The following UTRN variants were observed in gnomAD, a reference collection of about 807,000 sequenced individuals.
The protein encoded by UTRN is dystrophin-related protein 1.
UTRN carries 283 observed loss-of-function variants against 463.9 expected under a neutral mutation model. The observed-to-expected ratio is 0.61, with a 90% CI of 0.55 to 0.67. The LOEUF is 0.67. Among genes scored for constraint, UTRN ranks in the 30% least tolerant of loss-of-function variants. The pLI is 0.00. For synonymous variants in UTRN, 1,442 were observed against 1,431.5 expected (o/e 1.01, Z -0.17); for missense variants, 3,922 against 4,084.3 (o/e 0.96, Z 1.08).
At chr6:144,444,241 T>A (rs1459709853) in intron 13 of UTRN, 40 bp from the exon 14 acceptor site, 2 of 1,515,156 alleles carry the variant, frequency 1.3e-6, no homozygotes, top group African/African-American at 2.7e-5. Flanking sequence ...AACTCTCTCT[T>A]AAGGCTGTGT....
At chr6:144,602,930 A>G (rs1045974770) in intron 51 of UTRN, among the ~76,000 whole-genome samples, 3 of 152,212 alleles carry the variant, frequency 2.0e-5, no homozygotes, top group Non-Finnish European at 4.4e-5. Flanking sequence ...TAGCTTTTTT[A>G]TGCACTGGGA....
Position 144,291,822 on chromosome 6 carries a change from T to C in UTRN, c.-7T>C, listed in dbSNP as rs770489820. 1 of 1,610,232 alleles carries C rather than the reference T, an allele frequency of 6.2e-7. No homozygotes were observed. The highest frequency in any genetic ancestry group is 8.5e-7 in the Non-Finnish European group (1 of 1,178,730). ...AAGTTTTTGGATTATCTTGAAACTC[T>C]GGCAAGATGGCCAAGTATGGAGAAC... On this transcript the variant is annotated 5_prime_UTR_variant, in exon 2 of 75. Coordinates refer to ENST00000367545, the MANE Select transcript of UTRN (RefSeq NM_007124.3).
In UTRN at chr6:144,731,180, G is replaced by T. The variant is rs1788475683; in HGVS notation, c.7939+694G>T. Among the ~76,000 whole-genome samples the T allele has an allele frequency of 5.3e-5, 8 of 151,824 alleles. No homozygotes were observed. In the South Asian group the frequency reaches 1.7e-3, roughly 32 times the overall value. The stretch of plus-strand genomic sequence containing the variant: ...GAGACCAAATACTTTTCTTTTACAA[G>T]CAGACAACATTTGTTTAATTTAAAA... On this transcript the variant is annotated intron_variant, in intron 54 of 74. Transcript: ENST00000367545.
intron 52 of UTRN, among the ~76,000 whole-genome samples, chr6:144,694,023 G>A (rs1376087971): frequency 9.2e-5 from 14 of 152,010 alleles, no homozygotes. Context: ...TGTTGGCTGT[G>A]GGGTGTTGTA....
chr6:144,724,009 C>CAAAAAAAAAAAAA (rs59598919), intron 53 of UTRN, among the ~76,000 whole-genome samples: 58 of 58,504 alleles, frequency 9.9e-4, no homozygotes, highest in Non-Finnish European at 1.5e-3. Flanking sequence ...GACTCCATCT[C>CAAAAAAAAAAAAA]AAAAAAAAAA....
At chr6:144,330,783 G>A (rs1384026972) in intron 2 of UTRN, 4 of 979,064 alleles carry the variant, frequency 4.1e-6, no homozygotes, top group Admixed American at 1.2e-4. Flanking sequence ...ATTCTGGTCC[G>A]GGCAGTTGGG....
Position 144,499,443 on chromosome 6 carries a change from G to A in UTRN, c.4764+16G>A, listed in dbSNP as rs1793975752. ...CTGGGCTAAAGTAAGTTGCAGTTCAGATGAAACACCAGCATGATGCCAGCG... is the reference window on the plus strand; with the variant it reads ...CTGGGCTAAAGTAAGTTGCAGTTCAAATGAAACACCAGCATGATGCCAGCG... On this transcript the variant is annotated intron_variant, in intron 34 of 74. Transcript: ENST00000367545. 6.3e-7 allele frequency: 1 copy of A among 1,585,778 alleles called. No homozygotes were observed. Among genetic ancestry groups the A allele is most frequent in the African/African-American group, 1.3e-5 (1 of 74,598 alleles).
intron 54 of UTRN, among the ~76,000 whole-genome samples, chr6:144,735,202 A>T (rs192337327): frequency 1.3e-5 from 2 of 152,302 alleles, no homozygotes; most frequent in East Asian, 3.9e-4. Flanking sequence ...TGTCCTGAGG[A>T]TTCTAAGTGA....
chr6:144,681,093 A>G (rs1037082333), intron 52 of UTRN, among the ~76,000 whole-genome samples: 1 of 152,166 alleles, frequency 6.6e-6, no homozygotes, highest in African/African-American at 2.4e-5. Context: ...GGTAGGAGAC[A>G]CTTTCGGCAT....
At chr6:144,433,443 G>A (rs62427169) in intron 9 of UTRN, among the ~76,000 whole-genome samples, 28 of 149,208 alleles carry the variant, frequency 1.9e-4, no homozygotes, top group African/African-American at 5.4e-4. Flanking sequence ...GCTGCCGGGC[G>A]GAGGGGCTCC....
intron 58 of UTRN, among the ~76,000 whole-genome samples, chr6:144,765,071 A>G (rs935350040): frequency 2.0e-5 from 3 of 152,130 alleles, no homozygotes; most frequent in South Asian, 2.1e-4. Flanking sequence ...GGGGTTCCCT[A>G]TGAATTCTGG....
At chr6:144,537,539 G>A in intron 43 of UTRN, 43 bp from the exon 44 acceptor site, 2 of 1,425,808 alleles carry the variant, frequency 1.4e-6, no homozygotes, top group Non-Finnish European at 1.8e-6. Context: ...CTGCTTAATT[G>A]GACAGTTTTT....
chr6:144,437,489 A>G lies in UTRN; in HGVS notation c.1060-76A>G. 7 of 1,419,604 alleles carry G rather than the reference A, an allele frequency of 4.9e-6. No homozygotes were observed. In the South Asian group the frequency reaches 1.1e-4, roughly 22 times the overall value. 87.9% of individuals were successfully genotyped at this position (1,419,604 alleles called of 1,614,324 possible). A position where few individuals can be genotyped will look rare whatever the true frequency, so the allele number is the denominator to read the frequency against. ...TGCATCACTGACATTTAGGTTAGGCATTAGCAATTTGTTCAGTCTTCCTTT... is the reference window on the plus strand; with the variant it reads ...TGCATCACTGACATTTAGGTTAGGCGTTAGCAATTTGTTCAGTCTTCCTTT... On this transcript the variant is annotated intron_variant, in intron 10 of 74. Coordinates refer to ENST00000367545, the MANE Select transcript of UTRN (RefSeq NM_007124.3).
At chr6:144,293,166 C>T (rs574539400) in intron 2 of UTRN, among the ~76,000 whole-genome samples, 29 of 152,054 alleles carry the variant, frequency 1.9e-4, no homozygotes, top group Admixed American at 5.9e-4. Flanking sequence ...CTTAGGAGTA[C>T]GGAATACATA....
intron 13 of UTRN, among the ~76,000 whole-genome samples, chr6:144,441,220 A>G (rs573481183): frequency 6.6e-6 from 1 of 152,352 alleles, no homozygotes; most frequent in East Asian, 1.9e-4. Flanking sequence ...AAAAGTCCAC[A>G]GTCCAAAGTC....
intron 3 of UTRN, among the ~76,000 whole-genome samples, chr6:144,405,970 G>A (rs9484875): frequency 0.098 from 14,872 of 152,186 alleles, 1,949 homozygotes; most frequent in African/African-American, 0.29. Context: ...GCTACTTTAC[G>A]ACTAGGTAAG....
chr6:144,572,641 T>C (rs1173653819), intron 50 of UTRN, among the ~76,000 whole-genome samples: 1 of 152,150 alleles, frequency 6.6e-6, no homozygotes, highest in Non-Finnish European at 1.5e-5. Flanking sequence ...AGTGAGAACA[T>C]GCAGTGTTTG....
intron 51 of UTRN, among the ~76,000 whole-genome samples, chr6:144,588,933 A>C (rs573485111): frequency 6.6e-6 from 1 of 152,206 alleles, no homozygotes; most frequent in Non-Finnish European, 1.5e-5. Context: ...ATGAGTCCAA[A>C]TAATTGAAAT....
chr6:144,795,715 GTTGT>G (rs1289048755), intron 63 of UTRN, among the ~76,000 whole-genome samples: 2 of 152,092 alleles, frequency 1.3e-5, no homozygotes, highest in African/African-American at 2.4e-5. Context: ...TTTTGATGGG[GTTGT>G]TTATTTTTTT....
Sources: gnomAD v4.1 joint callset for allele counts (sites outside exome capture counted in the v4.1 genomes callset) on GRCh38, gnomAD v4.1.1 for gene constraint, MANE v1.5 for transcripts, NCBI Gene and HGNC (gene_info 2026-07-23, HGNC 2026-07-21) for gene names.